The following SCLT1 variants were observed in gnomAD, a reference collection of about 807,000 sequenced individuals.
The protein encoded by SCLT1 is sodium channel and clathrin linker 1.
In SCLT1, 78 loss-of-function variants were observed where a neutral mutation model predicts 112.8. The ratio of observed to expected loss-of-function variants is 0.69; its 90% confidence interval spans 0.58 to 0.83. The LOEUF is 0.83. Ranked by LOEUF, SCLT1 falls within the 40% of genes least tolerant of loss-of-function variation. The pLI is 0.00. For missense variants in SCLT1, 747 were observed against 770.4 expected (o/e 0.97, Z 0.36); for synonymous variants, 257 against 254.7 (o/e 1.01, Z -0.09).
At chr4:128,903,789 T>C (rs955398925) in intron 18 of SCLT1, among the ~76,000 whole-genome samples, 2 of 152,306 alleles carry the variant, frequency 1.3e-5, no homozygotes, top group East Asian at 1.9e-4. Context: ...TCTGTCAGGA[T>C]GTTTCATTGC....
chr4:128,901,681 ATT>A (rs1734315065), intron 18 of SCLT1, among the ~76,000 whole-genome samples: 1 of 151,888 alleles, frequency 6.6e-6, no homozygotes. Context: ...TAAAAAAAAA[ATT>A]AAAAAAAAAG....
intron 17 of SCLT1, among the ~76,000 whole-genome samples, chr4:128,942,174 G>T (rs73850056): frequency 0.014 from 2,175 of 152,018 alleles, 50 homozygotes; most frequent in African/African-American, 0.049. Flanking sequence ...GGAGTTCAAG[G>T]TTTTACAAAT....
At chr4:128,976,775 ATATATC>A (rs1431089102) in intron 9 of SCLT1, among the ~76,000 whole-genome samples, 1 of 152,216 alleles carries the variant, frequency 6.6e-6, no homozygotes, top group Non-Finnish European at 1.5e-5. Flanking sequence ...CAGAGGAATT[ATATATC>A]TCACAAGAAG....
intron 2 of SCLT1, among the ~76,000 whole-genome samples, chr4:129,055,122 G>T (rs932299448): frequency 1.3e-5 from 2 of 152,174 alleles, no homozygotes; most frequent in Non-Finnish European, 2.9e-5. Flanking sequence ...ATGGCTGCCT[G>T]CTCCTTCCTC....
chr4:128,883,345 T>G (rs182854384), downstream of SCLT1, among the ~76,000 whole-genome samples: 58 of 151,950 alleles, frequency 3.8e-4, 1 homozygote, highest in African/African-American at 1.3e-3. Context: ...GCTCTTCCAC[T>G]TCCACAGCTT....
chr4:129,077,830 G>A (rs1431691829), intron 2 of SCLT1, among the ~76,000 whole-genome samples: 8 of 151,992 alleles, frequency 5.3e-5, no homozygotes, highest in African/African-American at 1.2e-4. Flanking sequence ...TTCAGAAACC[G>A]AAGTAATATA....
At chr4:128,898,738 G>C (rs1011489437) in intron 18 of SCLT1, among the ~76,000 whole-genome samples, 3 of 152,108 alleles carry the variant, frequency 2.0e-5, no homozygotes, top group Non-Finnish European at 4.4e-5. Context: ...TCCGGGAGCT[G>C]GTTTTTTGAA....
intron 3 of SCLT1, among the ~76,000 whole-genome samples, 181 bp downstream of exon 3, chr4:129,043,812 T>C (rs1747926071): frequency 6.6e-6 from 1 of 152,202 alleles, no homozygotes; most frequent in Non-Finnish European, 1.5e-5. Context: ...AGGGGTAAAG[T>C]TGCTCCTGTC....
At chr4:129,011,068 C>T (rs997378861) in intron 5 of SCLT1, among the ~76,000 whole-genome samples, 1 of 152,146 alleles carries the variant, frequency 6.6e-6, no homozygotes. Flanking sequence ...TCATAGATGA[C>T]TCTTACTATT....
intron 9 of SCLT1, among the ~76,000 whole-genome samples, chr4:128,975,583 A>G (rs1315591621): frequency 6.6e-6 from 1 of 152,270 alleles, no homozygotes; most frequent in African/African-American, 2.4e-5. Context: ...CCTTTTTTGC[A>G]TACAGTGAAA....
intron 11 of SCLT1, among the ~76,000 whole-genome samples, chr4:128,963,690 T>A (rs988501156): frequency 6.6e-6 from 1 of 152,120 alleles, no homozygotes; most frequent in Non-Finnish European, 1.5e-5. Flanking sequence ...CAAACAAACA[T>A]ACAAAAATTA....
chr4:128,957,390 C>T (rs996105631), intron 12 of SCLT1, among the ~76,000 whole-genome samples: 22 of 152,016 alleles, frequency 1.4e-4, no homozygotes, highest in African/African-American at 5.1e-4. Context: ...ATCTTAAAAC[C>T]ATTGTTGAAT....
Position 129,093,467 on chromosome 4 carries a change from C to G in SCLT1, c.-364G>C, listed in dbSNP as rs946563880. On this transcript the variant is annotated 5_prime_UTR_variant, in exon 1 of 21. Transcript: ENST00000281142. ...TTGACGGCAGCCTGAGAGCGGCGTT[C>G]TACGCGGAGCGGCGGGGGTTGGAGA... The G allele has an allele frequency of 8.0e-6, 2 of 249,564 alleles. No homozygotes were observed. The highest frequency in any genetic ancestry group is 4.4e-5 in the African/African-American group (2 of 45,068). The allele number at this position is 249,564 out of a possible 1,614,324, so 15.5% of individuals were successfully genotyped here.
At chr4:128,936,966 G>A (rs1054288900) in intron 17 of SCLT1, 115 bp from the exon 18 acceptor site, 3 of 493,080 alleles carry the variant, frequency 6.1e-6, no homozygotes, top group Admixed American at 4.2e-5. Context: ...AAAAATGTTT[G>A]GATGAGAAAA....
At chr4:128,891,219 G>A (rs901002712) in intron 18 of SCLT1, 82 bp from the exon 19 acceptor site, 1 of 1,012,006 alleles carries the variant, frequency 9.9e-7, no homozygotes, top group African/African-American at 1.6e-5. Context: ...ACATGTTCAT[G>A]ATTTGAACAA....
chr4:129,007,890 GA>G (rs1443929882), intron 5 of SCLT1, among the ~76,000 whole-genome samples: 5 of 152,004 alleles, frequency 3.3e-5, no homozygotes, highest in Admixed American at 2.0e-4. Flanking sequence ...CATGAGCTTG[GA>G]AGTGATAGAA....
chr4:129,010,991 T>C (rs986202462), intron 5 of SCLT1, among the ~76,000 whole-genome samples: 1 of 152,234 alleles, frequency 6.6e-6, no homozygotes, highest in African/African-American at 2.4e-5. Flanking sequence ...ATCCTTGTCT[T>C]GTGCCAGTTT....
intron 18 of SCLT1, among the ~76,000 whole-genome samples, chr4:128,931,745 A>T (rs1736788917): frequency 6.6e-6 from 1 of 152,206 alleles, no homozygotes. Context: ...TACAGGCGTG[A>T]GCCACCGCAC....
chr4:129,083,186 G>GAA (rs10651058), intron 1 of SCLT1, among the ~76,000 whole-genome samples: 46,981 of 84,162 alleles, frequency 0.56, 14,280 homozygotes, highest in Non-Finnish European at 0.66. Context: ...GTGAGACTCT[G>GAA]AAAAAAAAAA....
Sources: gnomAD v4.1 joint callset for allele counts (sites outside exome capture counted in the v4.1 genomes callset) on GRCh38, gnomAD v4.1.1 for gene constraint, MANE v1.5 for transcripts, NCBI Gene and HGNC (gene_info 2026-07-23, HGNC 2026-07-21) for gene names.